Variants in NFIB observed in about 807,000 individuals in gnomAD.
NFIB encodes the protein nuclear factor 1 B-type.
A neutral mutation model predicts 61.5 loss-of-function variants in NFIB; 11 were observed. The ratio of observed to expected loss-of-function variants is 0.18; its 90% confidence interval spans 0.11 to 0.30. NFIB has a LOEUF of 0.30. NFIB is among the 10% of genes least tolerant of loss of function. The pLI, the probability that NFIB is intolerant of heterozygous loss-of-function variation, is 1.00. For missense variants in NFIB, 471 were observed against 608.9 expected, an observed-to-expected ratio of 0.77 and a Z score of 2.38; for synonymous variants, 260 against 216.5, an observed-to-expected ratio of 1.20 and a Z score of -1.76.
At chr9:14,406,446 G>A in the NFIB span, among the ~76,000 whole-genome samples, 1 of 152,206 alleles carries the variant, frequency 6.6e-6, no homozygotes, top group South Asian at 2.1e-4. Flanking sequence ...ACCTGATGGG[G>A]AAGATGGCAT....
At chr9:14,531,645 A>G in the NFIB span, among the ~76,000 whole-genome samples, 39 of 151,880 alleles carry the variant, frequency 2.6e-4, 1 homozygote, top group African/African-American at 9.2e-4. Flanking sequence ...TCTATTTCAC[A>G]GCAGCCGGCC....
At chr9:14,470,123 A>T in the NFIB span, among the ~76,000 whole-genome samples, 2,722 of 152,266 alleles carry the variant, frequency 0.018, 72 homozygotes, top group African/African-American at 0.061. Context: ...GATCACATTG[A>T]TATTCACCCT....
Position 14,229,541 on chromosome 9 carries a change from G to A in NFIB, c.563-49761C>T, listed in dbSNP as rs567113827. Among the ~76,000 whole-genome samples, 5 of 152,274 alleles carry A rather than the reference G, an allele frequency of 3.3e-5. No homozygotes were observed. In the East Asian group the frequency reaches 9.6e-4, roughly 29 times the overall value. On this transcript the variant is annotated intron_variant, in intron 2 of 10. Transcript: ENST00000380953. ...AAAATAATGCCTTAAATAAAATAATGTATGTAAAGTTTGTGGCACATAAAA... is the reference window on the plus strand; with the variant it reads ...AAAATAATGCCTTAAATAAAATAATATATGTAAAGTTTGTGGCACATAAAA...
At chr9:14,276,699 C>G (rs546800171) in intron 2 of NFIB, among the ~76,000 whole-genome samples, 2 of 152,076 alleles carry the variant, frequency 1.3e-5, no homozygotes, top group East Asian at 3.9e-4. Context: ...AAATAAAATA[C>G]TACACATAGA....
At chr9:14,326,547 G>T (rs2060753947) in intron 1 of NFIB, among the ~76,000 whole-genome samples, 1 of 152,276 alleles carries the variant, frequency 6.6e-6, no homozygotes, top group African/African-American at 2.4e-5. Context: ...GGTTTGTGGT[G>T]TCATCAAAAA....
intron 1 of NFIB, among the ~76,000 whole-genome samples, chr9:14,382,689 C>G (rs2061502898): frequency 1.3e-5 from 2 of 152,072 alleles, no homozygotes; most frequent in African/African-American, 4.8e-5. Flanking sequence ...CTGTTTGTAA[C>G]AGCCCCCAAA....
At chr9:14,451,875 AT>A in the NFIB span, among the ~76,000 whole-genome samples, 95 of 146,454 alleles carry the variant, frequency 6.5e-4, no homozygotes, top group South Asian at 5.0e-3. Flanking sequence ...GCATGACCTT[AT>A]TTTTTTTTTT....
At chr9:14,461,025 C>T in the NFIB span, among the ~76,000 whole-genome samples, 4 of 152,104 alleles carry the variant, frequency 2.6e-5, no homozygotes, top group South Asian at 2.1e-4. Context: ...TCCCTTCCTC[C>T]GTGCACCCTC....
chr9:14,253,267 C>T (rs1190324429), intron 2 of NFIB, among the ~76,000 whole-genome samples: 6 of 152,112 alleles, frequency 3.9e-5, no homozygotes, highest in East Asian at 1.9e-4. Context: ...ACATCTTTAA[C>T]GAACTAACAA....
Position 14,340,080 on chromosome 9 carries a change from G to C in NFIB, c.109-32560C>G, listed in dbSNP as rs113152241. Reference sequence around the variant, plus strand: ...GAGTTGTCCAAAGTTCACCTTTCTAGTTAGTGACAGAACCTGAATTGTAAA... The same window carrying C: ...GAGTTGTCCAAAGTTCACCTTTCTACTTAGTGACAGAACCTGAATTGTAAA... On this transcript the variant is annotated intron_variant, in intron 1 of 8. Coordinates refer to the NFIB transcript ENST00000380934. Among the ~76,000 whole-genome samples, 1,368 of 152,318 alleles carry C rather than the reference G, an allele frequency of 9.0e-3. 19 individuals are homozygous for C. Among genetic ancestry groups the C allele is most frequent in the African/African-American group, 0.032 (1,315 of 41,560 alleles).
intron 1 of NFIB, among the ~76,000 whole-genome samples, chr9:14,393,743 C>G (rs1174163330): frequency 6.6e-6 from 1 of 152,142 alleles, no homozygotes; most frequent in Admixed American, 6.5e-5. Flanking sequence ...CTGCAGAGAC[C>G]ATTTCCAAGA....
At chr9:14,387,140 T>C (rs144466608) in intron 1 of NFIB, among the ~76,000 whole-genome samples, 1 of 152,238 alleles carries the variant, frequency 6.6e-6, no homozygotes, top group African/African-American at 2.4e-5. Flanking sequence ...TTCATCACTG[T>C]GTGTCAGTTT....
rs189667504 is a variant in NFIB at position 14,255,131 on chromosome 9, G to A, written c.562+51858C>T. On this transcript the variant is annotated intron_variant, in intron 2 of 10. Transcript: ENST00000380953. ...CCAGTTTCTTGGGAGGCTAAAGTTG[G>A]AGAATCACTTGAGCCCAGGAGTTCG... Among the ~76,000 whole-genome samples, 1,009 of 152,212 alleles carry A rather than the reference G, an allele frequency of 6.6e-3. 7 individuals are homozygous for A. The highest frequency in any genetic ancestry group is 0.017 in the Middle Eastern group (5 of 294).
intron 2 of NFIB, among the ~76,000 whole-genome samples, chr9:14,249,181 T>C (rs897100722): frequency 1.3e-5 from 2 of 152,178 alleles, no homozygotes; most frequent in African/African-American, 4.8e-5. Flanking sequence ...GTCAACTAAA[T>C]ATTTCAAATT....
chr9:14,155,956 C>T, intron 3 of NFIB, 63 bp from the exon 4 acceptor site: 3 of 1,011,766 alleles, frequency 3.0e-6, no homozygotes, highest in Non-Finnish European at 4.3e-6. Flanking sequence ...AATGATTATA[C>T]ACTAGAATTT....
chr9:14,461,493 T>G, the NFIB span, among the ~76,000 whole-genome samples: 23 of 152,344 alleles, frequency 1.5e-4, no homozygotes, highest in East Asian at 4.2e-3. Flanking sequence ...GGAGTCCTTC[T>G]GGCTCAAGTC....
chr9:14,422,872 G>C, the NFIB span, among the ~76,000 whole-genome samples: 1 of 152,176 alleles, frequency 6.6e-6, no homozygotes, highest in East Asian at 1.9e-4. Context: ...AGGATGCTGG[G>C]CATGTAAAAC....
chr9:14,517,019 C>A, the NFIB span, among the ~76,000 whole-genome samples: 1 of 152,178 alleles, frequency 6.6e-6, no homozygotes, highest in Non-Finnish European at 1.5e-5. Flanking sequence ...CAACTGTTGG[C>A]ATTAGGGATT....
In NFIB at chr9:14,082,169, G is replaced by A. The variant is rs41313965; in HGVS notation, c.*6140C>T. Reference sequence around the variant, plus strand: ...TAACTGTCGTATAATACATCCTACTGCTAAAGGTTTGTTACATGGAGATTG... The same window carrying A: ...TAACTGTCGTATAATACATCCTACTACTAAAGGTTTGTTACATGGAGATTG... On this transcript the variant is annotated 3_prime_UTR_variant, in exon 11 of 11. Transcript: ENST00000380953. The A allele has an allele frequency of 4.5e-4, 92 of 205,598 alleles. No homozygotes were observed. Among genetic ancestry groups the A allele is most frequent in the Admixed American group, 8.9e-4 (15 of 16,808 alleles). 12.7% of individuals were successfully genotyped at this position (205,598 alleles called of 1,614,324 possible).
Sources: gnomAD v4.1 joint callset for allele counts (sites outside exome capture counted in the v4.1 genomes callset) on GRCh38, gnomAD v4.1.1 for gene constraint, MANE v1.5 for transcripts, NCBI Gene and HGNC (gene_info 2026-07-23, HGNC 2026-07-21) for gene names.